LRMDA: variants seen among roughly 807,000 people sequenced by gnomAD.
The protein encoded by LRMDA is leucine rich melanocyte differentiation associated.
Under a neutral mutation model 29.8 loss-of-function variants are expected in LRMDA, and 18 were observed. That is an observed-to-expected ratio of 0.60 (90% confidence interval 0.42 to 0.90). LRMDA has a LOEUF of 0.90. Among genes scored for constraint, LRMDA ranks in the 40% least tolerant of loss-of-function variants. The pLI is 0.00. For missense variants in LRMDA, 273 were observed against 273.9 expected, an observed-to-expected ratio of 1.00 and a Z score of 0.02; for synonymous variants, 125 against 109.4, an observed-to-expected ratio of 1.14 and a Z score of -0.89.
rs189390853 is a variant in LRMDA, at chr10:75,859,306, T to C, written c.132-176702T>C. On this transcript the variant is annotated intron_variant, in intron 2 of 6. Coordinates refer to ENST00000611255, the MANE Select transcript of LRMDA (RefSeq NM_001305581.2). Reference sequence around the variant, plus strand: ...GCTGTCAGTTTGGCCCCTGTGGTGATTTTTATCAGTACTCACCCCTCCCGG... The same window carrying C: ...GCTGTCAGTTTGGCCCCTGTGGTGACTTTTATCAGTACTCACCCCTCCCGG... Among the ~76,000 whole-genome samples, 112 of 152,252 alleles carry C rather than the reference T, an allele frequency of 7.4e-4. 1 individual carries two copies. Among genetic ancestry groups the C allele is most frequent in the Admixed American group, 3.2e-3 (49 of 15,278 alleles).
chr10:75,841,083 A>G (rs954483240), intron 2 of LRMDA, among the ~76,000 whole-genome samples: 5 of 152,230 alleles, frequency 3.3e-5, no homozygotes, highest in African/African-American at 9.6e-5. Flanking sequence ...AGCAGAATTC[A>G]TAGACCAGAG....
chr10:76,083,525 G>A (rs1849080799), intron 5 of LRMDA, among the ~76,000 whole-genome samples: 1 of 152,134 alleles, frequency 6.6e-6, no homozygotes, highest in Non-Finnish European at 1.5e-5. Flanking sequence ...TATAACATAG[G>A]TATAAAATAA....
At chr10:75,910,860 A>C (rs1236288244) in intron 2 of LRMDA, among the ~76,000 whole-genome samples, 1 of 152,108 alleles carries the variant, frequency 6.6e-6, no homozygotes, top group Non-Finnish European at 1.5e-5. Flanking sequence ...TTCAACTCAT[A>C]TGCTTTCCAT....
intron 2 of LRMDA, among the ~76,000 whole-genome samples, chr10:75,808,710 A>G (rs1843903239): frequency 6.6e-6 from 1 of 152,146 alleles, no homozygotes; most frequent in Non-Finnish European, 1.5e-5. Flanking sequence ...GGGTTTCACC[A>G]TGTTGGCCAG....
intron 6 of LRMDA, among the ~76,000 whole-genome samples, chr10:76,348,444 A>T (rs935308729): frequency 1.3e-5 from 2 of 152,246 alleles, no homozygotes; most frequent in African/African-American, 4.8e-5. Context: ...ATTTCCAAGG[A>T]TTCTAATTCA....
chr10:76,466,855 G>A (rs1030007451), intron 6 of LRMDA, among the ~76,000 whole-genome samples: 9 of 152,240 alleles, frequency 5.9e-5, no homozygotes, highest in East Asian at 3.9e-4. Context: ...TTAAAAAGTC[G>A]TATCTTGCTC....
At chr10:76,357,151 G>C (rs893449202) in intron 6 of LRMDA, among the ~76,000 whole-genome samples, 2 of 152,192 alleles carry the variant, frequency 1.3e-5, no homozygotes, top group African/African-American at 4.8e-5. Flanking sequence ...AGCCATTGCT[G>C]AGGTGGGGGT....
chr10:76,106,863 T>C lies in LRMDA; in HGVS notation c.516+48080T>C, dbSNP rs1849494015. On this transcript the variant is annotated intron_variant, in intron 5 of 6. Transcript: ENST00000611255. ...TTAGCAGAAATACATCATCTCCCAG[T>C]GGTGCTAGCAATAGCAGAGTCCTGA... Among the ~76,000 whole-genome samples, 3 of 152,154 alleles carry C rather than the reference T, an allele frequency of 2.0e-5. No homozygotes were observed. In the South Asian group the frequency reaches 6.2e-4, roughly 32 times the overall value.
At chr10:76,066,939 CTG>C (rs1317313560) in intron 5 of LRMDA, among the ~76,000 whole-genome samples, 1 of 152,220 alleles carries the variant, frequency 6.6e-6, no homozygotes, top group Admixed American at 6.5e-5. Flanking sequence ...ATGTGGAAAT[CTG>C]TGCAACAGCA....
At chr10:76,341,733 G>A (rs1841044332) in intron 6 of LRMDA, among the ~76,000 whole-genome samples, 1 of 152,118 alleles carries the variant, frequency 6.6e-6, no homozygotes, top group South Asian at 2.1e-4. Context: ...CTGGCTGTTG[G>A]CTAAGGGCCC....
intron 5 of LRMDA, among the ~76,000 whole-genome samples, chr10:76,137,582 G>A (rs537747538): frequency 2.0e-5 from 3 of 152,082 alleles, no homozygotes; most frequent in African/African-American, 2.4e-5. Flanking sequence ...AATAAGAAAG[G>A]CCCTCCTGGG....
intron 6 of LRMDA, among the ~76,000 whole-genome samples, chr10:76,544,624 A>G (rs370523191): frequency 4.6e-5 from 7 of 152,070 alleles, no homozygotes; most frequent in African/African-American, 1.7e-4. Flanking sequence ...TAACTCTTAT[A>G]ACCTGCTTTC....
chr10:76,358,202 G>T (rs1841266263), intron 6 of LRMDA, among the ~76,000 whole-genome samples: 1 of 152,154 alleles, frequency 6.6e-6, no homozygotes, highest in Non-Finnish European at 1.5e-5. Context: ...ATTAGAAAAG[G>T]CTCTGGCAGT....
chr10:76,483,322 A>G (rs539075906), intron 6 of LRMDA, among the ~76,000 whole-genome samples: 1 of 152,100 alleles, frequency 6.6e-6, no homozygotes, highest in South Asian at 2.1e-4. Context: ...TAGTATACAG[A>G]CAATGACACT....
At chr10:75,890,776 C>A (rs1475019679) in intron 2 of LRMDA, among the ~76,000 whole-genome samples, 1 of 152,084 alleles carries the variant, frequency 6.6e-6, no homozygotes, top group African/African-American at 2.4e-5. Flanking sequence ...CATGCTTGGC[C>A]CACCTGAGAA....
At chr10:75,759,421 C>T (rs1005330566) in intron 2 of LRMDA, among the ~76,000 whole-genome samples, 1 of 152,130 alleles carries the variant, frequency 6.6e-6, no homozygotes, top group African/African-American at 2.4e-5. Flanking sequence ...TCTCTCTGCT[C>T]TCTCTAATGG....
chr10:75,940,042 G>A (rs1846362414), intron 2 of LRMDA, among the ~76,000 whole-genome samples: 1 of 151,944 alleles, frequency 6.6e-6, no homozygotes, highest in Non-Finnish European at 1.5e-5. Flanking sequence ...AATGGGAGAG[G>A]GCACATTTTC....
rs150392408 is a variant in LRMDA, at chr10:75,949,730, C to T, written c.132-86278C>T. On this transcript the variant is annotated intron_variant, in intron 2 of 6. Coordinates refer to ENST00000611255, the MANE Select transcript of LRMDA (RefSeq NM_001305581.2). ...TCAGTGGCACAACAGGCTTTGAAAACACCCATATTTACCCATAGGGAAGCT... is the reference window on the plus strand; with the variant it reads ...TCAGTGGCACAACAGGCTTTGAAAATACCCATATTTACCCATAGGGAAGCT... 2.5e-3 allele frequency among the ~76,000 whole-genome samples: 376 copies of T among 152,280 alleles called. 3 individuals are homozygous for T. Among genetic ancestry groups the T allele is most frequent in the African/African-American group, 8.2e-3 (341 of 41,552 alleles).
At chr10:75,774,609 GCATATTAC>G (rs1044983311) in intron 2 of LRMDA, among the ~76,000 whole-genome samples, 3 of 151,982 alleles carry the variant, frequency 2.0e-5, no homozygotes, top group Admixed American at 6.6e-5. Flanking sequence ...TTATGACAAA[GCATATTAC>G]CATAATGTAA....
Sources: gnomAD v4.1 joint callset for allele counts (sites outside exome capture counted in the v4.1 genomes callset) on GRCh38, gnomAD v4.1.1 for gene constraint, MANE v1.5 for transcripts, NCBI Gene and HGNC (gene_info 2026-07-23, HGNC 2026-07-21) for gene names.